PTGER2: variants seen among roughly 807,000 people sequenced by gnomAD.
PTGER2 encodes prostaglandin E receptor 2.
A neutral mutation model predicts 26.2 loss-of-function variants in PTGER2; 22 were observed. The ratio of observed to expected loss-of-function variants is 0.84; its 90% CI spans 0.60 to 1.20. The LOEUF (loss-of-function observed/expected upper bound fraction) is 1.20, where lower values mean the gene tolerates loss of function less well. PTGER2 is among the 50% of genes most tolerant of loss of function. The probability of loss-of-function intolerance (pLI) is 0.00; values close to 1 mark genes in which losing one functional copy is unlikely to be tolerated. For missense variants in PTGER2, 458 were observed against 475.2 expected (o/e 0.96, Z 0.34); for synonymous variants, 219 against 208.9 (o/e 1.05, Z -0.42).
rs948494014 is a variant in PTGER2 at position 52,314,491 on chromosome 14, C to G, written c.-58C>G. 29 of 1,427,112 alleles carry G rather than the reference C, an allele frequency of 2.0e-5. No homozygotes were observed. The highest frequency in any genetic ancestry group is 2.7e-5 in the Non-Finnish European group (29 of 1,089,560). 88.4% of individuals were successfully genotyped at this position (1,427,112 alleles called of 1,614,324 possible). A position where few individuals can be genotyped will look rare whatever the true frequency, so the allele number is the denominator to read the frequency against. ...CGGAACGCTCCGGCTCTCAGACCCT[C>G]TTCCTCCCAGGTAAAGGCCGGGAGA... is the stretch of plus-strand genomic sequence containing the variant. On this transcript the variant is annotated 5_prime_UTR_variant, in exon 1 of 2. Coordinates refer to ENST00000245457, the MANE Select transcript of PTGER2 (RefSeq NM_000956.4). This position sits in a 1 kb window ranked among gnomAD's most constrained non-coding sequence, Gnocchi z 5.7.
chr14:52,319,213 A>G (rs1028937319), intron 1 of PTGER2, among the ~76,000 whole-genome samples: 1 of 152,210 alleles, frequency 6.6e-6, no homozygotes, highest in Non-Finnish European at 1.5e-5. Context: ...ATAAAATGGC[A>G]AAGACCTTTT....
Position 52,314,460 on chromosome 14 carries a change from G to C in PTGER2, c.-89G>C, listed in dbSNP as rs530684092. On this transcript the variant is annotated 5_prime_UTR_variant, in exon 1 of 2. Transcript: ENST00000245457. The surrounding 1 kb of genome is among the most constrained non-coding windows in gnomAD (Gnocchi z 5.7). ...TTTCGGTCCCTCCCCTTTTTCCTCT[G>C]AGTCTCGGAACGCTCCGGCTCTCAG... 3 of 1,304,360 alleles carry C rather than the reference G, an allele frequency of 2.3e-6. No individual in the cohort carries two copies. The highest frequency in any genetic ancestry group is 5.5e-5 in the East Asian group (2 of 36,222). 80.8% of individuals were successfully genotyped at this position (1,304,360 alleles called of 1,614,324 possible). A position where few individuals can be genotyped will look rare whatever the true frequency, so the allele number is the denominator to read the frequency against.
chr14:52,318,289 AC>A (rs2033861263), intron 1 of PTGER2, among the ~76,000 whole-genome samples: 1 of 152,226 alleles, frequency 6.6e-6, no homozygotes, highest in Non-Finnish European at 1.5e-5. Context: ...AACGGAGTGC[AC>A]ATGATCTGAT....
intron 1 of PTGER2, among the ~76,000 whole-genome samples, chr14:52,321,255 C>G (rs1026040908): frequency 2.9e-5 from 2 of 69,096 alleles, no homozygotes; most frequent in South Asian, 2.9e-4. Flanking sequence ...TAATCTCCCC[C>G]CAAAATGTTT....
chr14:52,318,703 G>C (rs2033865961), intron 1 of PTGER2, among the ~76,000 whole-genome samples: 1 of 152,112 alleles, frequency 6.6e-6, no homozygotes, highest in African/African-American at 2.4e-5. Flanking sequence ...CAGAAACCTA[G>C]AACTACTAAT....
chr14:52,319,900 G>T (rs1027871155), intron 1 of PTGER2, among the ~76,000 whole-genome samples: 2 of 152,192 alleles, frequency 1.3e-5, no homozygotes, highest in African/African-American at 4.8e-5. Flanking sequence ...GTGGAAATCT[G>T]ATCTTGGCAA....
At chr14:52,325,145 A>G (rs888322988) in intron 1 of PTGER2, among the ~76,000 whole-genome samples, 10 of 152,166 alleles carry the variant, frequency 6.6e-5, no homozygotes, top group African/African-American at 2.4e-4. Flanking sequence ...TCTCAAAAAA[A>G]AAGCCGTCTT....
intron 1 of PTGER2, among the ~76,000 whole-genome samples, chr14:52,324,782 A>G (rs1046234164): frequency 6.6e-6 from 1 of 152,232 alleles, no homozygotes; most frequent in African/African-American, 2.4e-5. Flanking sequence ...ATGGGGAGGT[A>G]GAAGACAAAA....
In PTGER2 at chr14:52,315,286, G is replaced by A. The variant is rs1463349367; in HGVS notation, c.738G>A (p.Gly246=). ...PSLGSGRGGP[G]ARRRGERVSM... ...TGGGCAGTGGCCGGGGCGGCCCCGG[G>A]GCCCGCAGGAGAGGGGAAAGGGTGT... Residue 246 remains glycine (G), a synonymous_variant, in exon 1 of 2, where the codon GGG becomes GGA. Transcript: ENST00000245457. 1.2e-6 allele frequency: 2 copies of A among 1,613,462 alleles called. No homozygotes were observed. Among genetic ancestry groups the A allele is most frequent in the South Asian group, 1.1e-5 (1 of 91,016 alleles).
At chr14:52,318,923 T>C (rs1293857962) in intron 1 of PTGER2, among the ~76,000 whole-genome samples, 1 of 152,232 alleles carries the variant, frequency 6.6e-6, no homozygotes, top group Non-Finnish European at 1.5e-5. Context: ...ACCCATTATC[T>C]TCACAGCACC....
intron 1 of PTGER2, among the ~76,000 whole-genome samples, chr14:52,325,083 G>A (rs2033935794): frequency 6.6e-6 from 1 of 152,082 alleles, no homozygotes; most frequent in African/African-American, 2.4e-5. Context: ...AGGTTGCAGT[G>A]AGTGGAGATC....
In PTGER2 at chr14:52,315,234, G is replaced by A; in HGVS notation, c.686G>A (p.Ser229Asn). ...AACCTCATCCGCATGCACCGCCGAA[G>A]CCGGAGAAGCCGCTGCGGACCTTCC... is the stretch of plus-strand genomic sequence containing the variant. ...ILNLIRMHRR[S>N]RRSRCGPSLG... The change falls in exon 1 of 2, where the codon AGC becomes AAC. Residue 229 changes from serine (S) to asparagine (N), a missense_variant. Ser to Asn is a conservative substitution (Grantham distance 46). Coordinates refer to ENST00000245457, the MANE Select transcript of PTGER2 (RefSeq NM_000956.4). 6.2e-7 allele frequency: 1 copy of A among 1,612,214 alleles called. No homozygotes were observed. The highest frequency in any genetic ancestry group is 2.2e-5 in the East Asian group (1 of 44,852).
intron 1 of PTGER2, among the ~76,000 whole-genome samples, chr14:52,318,469 A>C (rs556443687): frequency 3.2e-4 from 48 of 152,370 alleles, no homozygotes; most frequent in African/African-American, 1.2e-3. Context: ...TATGTAAAAT[A>C]ATTATTAATA....
intron 1 of PTGER2, among the ~76,000 whole-genome samples, chr14:52,318,488 C>G (rs2033863123): frequency 1.3e-5 from 2 of 152,026 alleles, no homozygotes; most frequent in Non-Finnish European, 2.9e-5. Context: ...TAAGCTATTC[C>G]AAGTAAGTTT....
chr14:52,319,493 A>C (rs1029049066), intron 1 of PTGER2, among the ~76,000 whole-genome samples: 1 of 152,244 alleles, frequency 6.6e-6, no homozygotes, highest in African/African-American at 2.4e-5. Context: ...GCATGGAACC[A>C]ACAACATATT....
chr14:52,328,389 C>A lies in PTGER2; in HGVS notation c.*935C>A, dbSNP rs1336637361. On this transcript the variant is annotated 3_prime_UTR_variant, in exon 2 of 2. Transcript: ENST00000245457. The stretch of plus-strand genomic sequence containing the variant: ...AAGATGACTGTGTTGTACCAAAATT[C>A]ATCTGTCTATATTTTATTTAGGGAA... The A allele has an allele frequency of 6.6e-6, 1 of 152,590 alleles. No homozygotes were observed. Among genetic ancestry groups the A allele is most frequent in the Non-Finnish European group, 1.5e-5 (1 of 68,018 alleles). The allele number at this position is 152,590 out of a possible 1,614,324, so 9.5% of individuals were successfully genotyped here.
chr14:52,323,490 G>A (rs1407099432), intron 1 of PTGER2, among the ~76,000 whole-genome samples: 1 of 152,102 alleles, frequency 6.6e-6, no homozygotes, highest in Admixed American at 6.5e-5. Context: ...CTCACCTCAG[G>A]TGACCTGCCT....
Position 52,327,257 on chromosome 14 carries a change from G to C in PTGER2, c.880G>C (p.Glu294Gln). ...TATGAATGAAACCTCTTCCCGAAAGGAAAAATGGGACCTCCAAGCTCTTAG... is the reference window on the plus strand; with the variant it reads ...TATGAATGAAACCTCTTCCCGAAAGCAAAAATGGGACCTCCAAGCTCTTAG... ...AYMNETSSRK[E>Q]KWDLQALRFL... Residue 294 changes from glutamate (E) to glutamine (Q), a missense_variant, in exon 2 of 2, where the codon GAA becomes CAA. Glu to Gln is a conservative substitution (Grantham distance 29, BLOSUM62 2). Coordinates refer to ENST00000245457, the MANE Select transcript of PTGER2 (RefSeq NM_000956.4). 6.2e-7 allele frequency: 1 copy of C among 1,612,458 alleles called. No individual in the cohort carries two copies. The highest frequency in any genetic ancestry group is 8.5e-7 in the Non-Finnish European group (1 of 1,178,940).
rs988525016 is a variant in PTGER2 at position 52,315,420 on chromosome 14, C to T, written c.843+29C>T. 2.5e-6 allele frequency: 4 copies of T among 1,608,018 alleles called. No individual in the cohort carries two copies. In the Admixed American group the frequency reaches 6.7e-5, roughly 27 times the overall value. On this transcript the variant is annotated intron_variant, in intron 1 of 1. Coordinates refer to ENST00000245457, the MANE Select transcript of PTGER2 (RefSeq NM_000956.4). ...AGTCACTCCCTACGTTTCCACAGCCCGGCTCTGCTCAGCCTTCTCATGCTC... is the reference window on the plus strand; with the variant it reads ...AGTCACTCCCTACGTTTCCACAGCCTGGCTCTGCTCAGCCTTCTCATGCTC...
Sources: allele counts gnomAD v4.1 joint callset (sites outside exome capture counted in the v4.1 genomes callset), GRCh38; gene constraint gnomAD v4.1.1; non-coding constraint Gnocchi (gnomAD v3.1); transcripts MANE v1.5; gene names NCBI Gene and HGNC (gene_info 2026-07-23, HGNC 2026-07-21).